Variants in SLC9A9 observed in about 807,000 individuals in gnomAD.
SLC9A9 encodes sodium/hydrogen exchanger 9.
In SLC9A9, 62 loss-of-function variants were observed where a neutral mutation model predicts 77.8. The observed-to-expected ratio is 0.80, with a 90% CI of 0.65 to 0.98. The LOEUF (loss-of-function observed/expected upper bound fraction) is 0.98. Among genes scored for constraint, SLC9A9 ranks in the 50% least tolerant of loss-of-function variants. The pLI, the probability that SLC9A9 is intolerant of heterozygous loss-of-function variation, is 0.00. For missense variants in SLC9A9, 775 were observed against 774.9 expected, an observed-to-expected ratio of 1.00 and a Z score of 0.00; for synonymous variants, 320 against 283.5, an observed-to-expected ratio of 1.13 and a Z score of -1.29.
intron 2 of SLC9A9, among the ~76,000 whole-genome samples, chr3:143,797,827 T>C (rs1384616561): frequency 6.6e-6 from 1 of 151,860 alleles, no homozygotes; most frequent in Non-Finnish European, 1.5e-5. Context: ...CCCACCCATA[T>C]CTCCCTTCAC....
Position 143,604,503 on chromosome 3 carries a change from G to A in SLC9A9, c.756-25780C>T, listed in dbSNP as rs534424320. On this transcript the variant is annotated intron_variant, in intron 6 of 15. Coordinates refer to ENST00000316549, the MANE Select transcript of SLC9A9 (RefSeq NM_173653.4). ...AGAAGATGACTCCTGAGTTGGGATGGCAACCAGAACTGGGCCTGATGAAGA... is the reference window on the plus strand; with the variant it reads ...AGAAGATGACTCCTGAGTTGGGATGACAACCAGAACTGGGCCTGATGAAGA... 2.0e-5 allele frequency among the ~76,000 whole-genome samples: 3 copies of A among 152,290 alleles called. No homozygotes were observed. In the South Asian group the frequency reaches 6.2e-4, roughly 32 times the overall value.
chr3:143,291,622 A>G (rs553265654), intron 14 of SLC9A9, among the ~76,000 whole-genome samples: 21 of 152,334 alleles, frequency 1.4e-4, no homozygotes, highest in African/African-American at 5.1e-4. Flanking sequence ...AACCCAACTT[A>G]AAATACCTAG....
At position 143,443,393 on chromosome 3, in the gene SLC9A9, C is replaced by A. The variant is rs542368116; in HGVS notation, c.1469+23644G>T. Among the ~76,000 whole-genome samples, 9 of 152,118 alleles carry A rather than the reference C, an allele frequency of 5.9e-5. No individual in the cohort carries two copies. In the South Asian group the frequency reaches 1.7e-3, roughly 28 times the overall value. On this transcript the variant is annotated intron_variant, in intron 12 of 15. Transcript: ENST00000316549. Reference sequence around the variant, plus strand: ...TTTTAAGACGTAATCTCATTTGCTGCTCCTTTAATTGCTGTTTTGTAATGT... The same window carrying A: ...TTTTAAGACGTAATCTCATTTGCTGATCCTTTAATTGCTGTTTTGTAATGT...
rs1400248480 is a variant in SLC9A9 at position 143,351,347 on chromosome 3, G to A, written c.1604+12137C>T. Among the ~76,000 whole-genome samples the A allele has an allele frequency of 2.0e-5, 3 of 152,166 alleles. No individual in the cohort carries two copies. The South Asian group carries it at 6.2e-4, about 32-fold the overall frequency. On this transcript the variant is annotated intron_variant, in intron 14 of 15. Coordinates refer to ENST00000316549, the MANE Select transcript of SLC9A9 (RefSeq NM_173653.4). ...AAATATTATTATGTCCCTTCTAAATGGCCTAGACAACATTTTCAAAGGTTT... is the reference window on the plus strand; with the variant it reads ...AAATATTATTATGTCCCTTCTAAATAGCCTAGACAACATTTTCAAAGGTTT...
chr3:143,282,487 T>G (rs1462594889), intron 14 of SLC9A9, among the ~76,000 whole-genome samples: 2 of 152,190 alleles, frequency 1.3e-5, no homozygotes, highest in Non-Finnish European at 2.9e-5. Flanking sequence ...CAATATCCAG[T>G]CTCCCTCTCC....
intron 6 of SLC9A9, among the ~76,000 whole-genome samples, chr3:143,585,470 A>G (rs1000101380): frequency 3.9e-5 from 6 of 152,122 alleles, no homozygotes; most frequent in African/African-American, 1.4e-4. Flanking sequence ...TCTTTACAGG[A>G]CTGAACCAAT....
chr3:143,681,257 G>A (rs999694406), intron 5 of SLC9A9, among the ~76,000 whole-genome samples: 3 of 151,784 alleles, frequency 2.0e-5, no homozygotes, highest in Non-Finnish European at 2.9e-5. Flanking sequence ...ATAATATTTG[G>A]TATTAGATTT....
chr3:143,664,220 C>T (rs1194507063), intron 5 of SLC9A9, among the ~76,000 whole-genome samples: 1 of 152,118 alleles, frequency 6.6e-6, no homozygotes, highest in African/African-American at 2.4e-5. Flanking sequence ...ATCTCATATC[C>T]AGCCACACCA....
At chr3:143,629,949 G>A (rs1285538973) in intron 6 of SLC9A9, among the ~76,000 whole-genome samples, 1 of 152,066 alleles carries the variant, frequency 6.6e-6, no homozygotes, top group Non-Finnish European at 1.5e-5. Context: ...TCAAGACACA[G>A]CAGCAGAGAA....
At chr3:143,589,445 T>TA (rs2037611975) in intron 6 of SLC9A9, among the ~76,000 whole-genome samples, 1 of 152,218 alleles carries the variant, frequency 6.6e-6, no homozygotes, top group South Asian at 2.1e-4. Flanking sequence ...GGTATTTTTT[T>TA]AATGTCTCTT....
At chr3:143,302,436 G>C (rs374745915) in intron 14 of SLC9A9, among the ~76,000 whole-genome samples, 16 of 152,298 alleles carry the variant, frequency 1.1e-4, no homozygotes, top group African/African-American at 3.6e-4. Flanking sequence ...TGAGGTGTTT[G>C]TATTAATAAA....
intron 14 of SLC9A9, among the ~76,000 whole-genome samples, chr3:143,326,887 G>A (rs938083281): frequency 1.5e-4 from 23 of 152,124 alleles, no homozygotes. Context: ...TTATATCTTT[G>A]TGCACTTAAA....
chr3:143,675,699 T>C (rs566574399), intron 5 of SLC9A9, among the ~76,000 whole-genome samples: 5 of 152,332 alleles, frequency 3.3e-5, no homozygotes, highest in Admixed American at 6.5e-5. Flanking sequence ...TTCAGAGTGA[T>C]TTACTAATAT....
At chr3:143,634,382 G>C (rs367905312) in intron 6 of SLC9A9, among the ~76,000 whole-genome samples, 5 of 152,010 alleles carry the variant, frequency 3.3e-5, no homozygotes, top group African/African-American at 1.2e-4. Flanking sequence ...TTATATCTTT[G>C]TTCTTTTCTA....
intron 2 of SLC9A9, among the ~76,000 whole-genome samples, chr3:143,798,565 A>C (rs2008456532): frequency 6.6e-6 from 1 of 152,156 alleles, no homozygotes; most frequent in Non-Finnish European, 1.5e-5. Flanking sequence ...TCAAGAACTT[A>C]AAACCTCTTC....
Position 143,652,326 on chromosome 3 carries a change from G to A in SLC9A9, c.684C>T (p.Val228=), listed in dbSNP as rs140773627. ...TVLAIFHELH[V]DPDLYTLLFG... ...ACAAGAGTGTGTACAGGTCAGGGTC[G>A]ACGTGCAGTTCATGGAAAATGGCCA... The change falls in exon 6 of 16, where the codon GTC becomes GTT. Residue 228 remains valine (V), a synonymous_variant. Transcript: ENST00000316549. The A allele has an allele frequency of 6.9e-4, 1,115 of 1,612,974 alleles. 2 individuals carry two copies. The highest frequency in any genetic ancestry group is 8.7e-4 in the Non-Finnish European group (1,021 of 1,179,618).
chr3:143,476,280 T>C (rs2035475604), intron 11 of SLC9A9, among the ~76,000 whole-genome samples: 1 of 152,230 alleles, frequency 6.6e-6, no homozygotes, highest in Non-Finnish European at 1.5e-5. Flanking sequence ...TAAATTGAGT[T>C]CTTCTGGAAA....
At chr3:143,670,591 T>C (rs1484024662) in intron 5 of SLC9A9, among the ~76,000 whole-genome samples, 2 of 152,210 alleles carry the variant, frequency 1.3e-5, no homozygotes, top group African/African-American at 4.8e-5. Context: ...GGCTCATGGT[T>C]CTTCCAGCTG....
intron 5 of SLC9A9, among the ~76,000 whole-genome samples, chr3:143,682,565 A>T (rs1186045599): frequency 8.3e-6 from 1 of 120,148 alleles, no homozygotes; most frequent in Non-Finnish European, 2.0e-5. Flanking sequence ...GTTGTAATAA[A>T]TTATAACAAA....
Sources: allele counts gnomAD v4.1 joint callset (sites outside exome capture counted in the v4.1 genomes callset), GRCh38; gene constraint gnomAD v4.1.1; transcripts MANE v1.5; gene names NCBI Gene and HGNC (gene_info 2026-07-23, HGNC 2026-07-21).